Variants in TPST1 observed in about 807,000 individuals in gnomAD.
TPST1 encodes protein-tyrosine sulfotransferase 1.
Under a neutral mutation model 34.8 loss-of-function variants are expected in TPST1, and 20 were observed. The ratio of observed to expected loss-of-function variants is 0.57; its 90% CI spans 0.40 to 0.84. The LOEUF is 0.84. TPST1 is among the 40% of genes least tolerant of loss of function. The pLI, the probability that TPST1 is intolerant of heterozygous loss-of-function variation, is 0.00. For synonymous variants in TPST1, 152 were observed against 159.4 expected (o/e 0.95, Z 0.35); for missense variants, 353 against 455.5 (o/e 0.78, Z 2.05).
chr7:66,320,382 G>A (rs1392901141), intron 3 of TPST1, among the ~76,000 whole-genome samples: 1 of 150,684 alleles, frequency 6.6e-6, no homozygotes, highest in East Asian at 2.0e-4. Context: ...CGAGTTGCTG[G>A]GACTACAGGC....
intron 3 of TPST1, among the ~76,000 whole-genome samples, chr7:66,309,298 G>T (rs912453635): frequency 6.6e-6 from 1 of 152,206 alleles, no homozygotes; most frequent in African/African-American, 2.4e-5. Context: ...ACCAGGTGAG[G>T]AAATTGTTAG....
intron 3 of TPST1, among the ~76,000 whole-genome samples, chr7:66,317,975 A>G (rs762102683): frequency 2.0e-5 from 3 of 152,168 alleles, no homozygotes; most frequent in Non-Finnish European, 4.4e-5. Flanking sequence ...CCTGGCCAAC[A>G]TGGCGAAACC....
At chr7:66,312,130 A>C (rs947974181) in intron 3 of TPST1, among the ~76,000 whole-genome samples, 1 of 152,222 alleles carries the variant, frequency 6.6e-6, no homozygotes, top group Admixed American at 6.5e-5. Context: ...AATTTCGTAC[A>C]TTTTAGTTGT....
chr7:66,286,081 T>C (rs1791028081), intron 2 of TPST1, among the ~76,000 whole-genome samples: 1 of 152,220 alleles, frequency 6.6e-6, no homozygotes, highest in African/African-American at 2.4e-5. Context: ...AACATGTTGC[T>C]GTATTTACTT....
intron 3 of TPST1, among the ~76,000 whole-genome samples, chr7:66,321,155 C>T (rs1791748946): frequency 1.3e-5 from 2 of 152,198 alleles, no homozygotes; most frequent in South Asian, 4.1e-4. Flanking sequence ...GGAAAAGGCA[C>T]ATGGGCAAAG....
Position 66,286,501 on chromosome 7 carries a change from T to G in TPST1, c.846-10T>G. 1 of 1,546,518 alleles carries G rather than the reference T, an allele frequency of 6.5e-7. No homozygotes were observed. The highest frequency in any genetic ancestry group is 8.7e-7 in the Non-Finnish European group (1 of 1,147,068). On this transcript the variant is annotated splice_polypyrimidine_tract_variant and intron_variant, in intron 2 of 5. Coordinates refer to ENST00000304842, the MANE Select transcript of TPST1 (RefSeq NM_003596.4). ...TAAATAAATATTTATTCATATTATG[T>G]TGTTTTCAGAGTGGAGAGATCTACA...
At chr7:66,259,585 T>C (rs1438097742) in intron 2 of TPST1, among the ~76,000 whole-genome samples, 1 of 152,134 alleles carries the variant, frequency 6.6e-6, no homozygotes, top group Non-Finnish European at 1.5e-5. Flanking sequence ...TTTTTTTCAA[T>C]TTTATTTTCA....
chr7:66,200,864 T>A (rs1789027942), upstream of TPST1, among the ~76,000 whole-genome samples: 1 of 152,124 alleles, frequency 6.6e-6, no homozygotes, highest in African/African-American at 2.4e-5. Flanking sequence ...GTTGCTGGGA[T>A]TACAGGTGTG....
At chr7:66,212,985 A>G (rs561385528) in intron 1 of TPST1, among the ~76,000 whole-genome samples, 1 of 152,170 alleles carries the variant, frequency 6.6e-6, no homozygotes, top group South Asian at 2.1e-4. Context: ...ACTGCTTTAG[A>G]GGTTTTTTCT....
chr7:66,215,577 T>C (rs1301052582), intron 1 of TPST1, among the ~76,000 whole-genome samples: 2 of 151,636 alleles, frequency 1.3e-5, no homozygotes, highest in Non-Finnish European at 2.9e-5. Flanking sequence ...GGTTTCACCA[T>C]GTTAGCCAGG....
intron 1 of TPST1, among the ~76,000 whole-genome samples, chr7:66,230,675 G>A (rs1584154021): frequency 6.6e-6 from 1 of 152,172 alleles, no homozygotes; most frequent in East Asian, 1.9e-4. Context: ...CAAAGAGTGA[G>A]CAGTAGCAAG....
intron 1 of TPST1, among the ~76,000 whole-genome samples, chr7:66,228,598 C>T (rs1477997741): frequency 6.6e-6 from 1 of 152,062 alleles, no homozygotes; most frequent in East Asian, 1.9e-4. Flanking sequence ...GATCCATAAG[C>T]TTATTGGATC....
intron 2 of TPST1, among the ~76,000 whole-genome samples, chr7:66,275,302 T>C (rs756388831): frequency 2.0e-5 from 3 of 152,192 alleles, no homozygotes; most frequent in African/African-American, 4.8e-5. Flanking sequence ...ACAGCCGTTA[T>C]GGAAAACAAC....
intron 3 of TPST1, among the ~76,000 whole-genome samples, chr7:66,317,417 T>C (rs1246824462): frequency 1.3e-5 from 2 of 152,182 alleles, no homozygotes; most frequent in Admixed American, 6.5e-5. Flanking sequence ...TTTGAAAAAA[T>C]TGTTGTTTAT....
intron 3 of TPST1, among the ~76,000 whole-genome samples, chr7:66,308,963 G>A (rs1791477279): frequency 6.6e-6 from 1 of 152,196 alleles, no homozygotes. Flanking sequence ...CAATGGCACT[G>A]TCTCAGCTCA....
chr7:66,243,867 A>C (rs922530934), intron 2 of TPST1, among the ~76,000 whole-genome samples: 2 of 151,950 alleles, frequency 1.3e-5, no homozygotes, highest in Admixed American at 1.3e-4. Flanking sequence ...TGTTCATTAT[A>C]ATAAAGAATT....
chr7:66,277,286 A>G (rs765128624), intron 2 of TPST1, among the ~76,000 whole-genome samples: 8 of 152,104 alleles, frequency 5.3e-5, no homozygotes, highest in Admixed American at 2.6e-4. Context: ...ACCCTTCCCA[A>G]TTTCAACTGG....
chr7:66,346,872 G>T (rs961516463), intron 3 of TPST1, among the ~76,000 whole-genome samples: 1 of 151,990 alleles, frequency 6.6e-6, no homozygotes, highest in African/African-American at 2.4e-5. Context: ...GCCTGTCTTT[G>T]TGGGGTATTA....
At chr7:66,224,220 T>C (rs534106547) in intron 1 of TPST1, among the ~76,000 whole-genome samples, 2 of 152,362 alleles carry the variant, frequency 1.3e-5, no homozygotes, top group African/African-American at 4.8e-5. Context: ...CTGTACTGCA[T>C]GGCAAAGCTG....
Sources: gnomAD v4.1 joint callset for allele counts (sites outside exome capture counted in the v4.1 genomes callset) on GRCh38, gnomAD v4.1.1 for gene constraint, MANE v1.5 for transcripts, NCBI Gene and HGNC (gene_info 2026-07-23, HGNC 2026-07-21) for gene names.